VPS45: variants seen among roughly 807,000 people sequenced by gnomAD.
VPS45 encodes the protein vacuolar protein sorting-associated protein 45.
In VPS45, 35 loss-of-function variants were observed where a neutral mutation model predicts 75.9. That is an observed-to-expected ratio of 0.46 (90% CI 0.35 to 0.61). VPS45 has a LOEUF of 0.61. Among genes scored for constraint, VPS45 ranks in the 20% least tolerant of loss-of-function variants. The pLI is 0.00. For missense variants in VPS45, 559 were observed against 685.9 expected (o/e 0.81, Z 2.07); for synonymous variants, 220 against 238.2 (o/e 0.92, Z 0.70).
intron 10 of VPS45, among the ~76,000 whole-genome samples, chr1:150,087,101 A>G (rs1656059715): frequency 6.6e-6 from 1 of 152,234 alleles, no homozygotes; most frequent in Non-Finnish European, 1.5e-5. Context: ...AGAAGAAAAC[A>G]GAAAAGTAAA....
chr1:150,071,623 C>T (rs1444334433), intron 2 of VPS45, among the ~76,000 whole-genome samples: 3 of 151,932 alleles, frequency 2.0e-5, no homozygotes, highest in Non-Finnish European at 4.4e-5. Context: ...CCCGTCTCTG[C>T]TACAATTACA....
At chr1:150,076,784 G>T in intron 4 of VPS45, 132 bp from the exon 5 acceptor site, 2 of 886,006 alleles carry the variant, frequency 2.3e-6, no homozygotes, top group South Asian at 1.7e-5. Context: ...ATTATTAATT[G>T]AACAATTTAG....
chr1:150,134,968 C>G (rs1352870239), intron 14 of VPS45, among the ~76,000 whole-genome samples: 1 of 152,122 alleles, frequency 6.6e-6, no homozygotes, highest in Non-Finnish European at 1.5e-5. Context: ...AAGGCAGGAA[C>G]TAAAACGCAA....
chr1:150,127,870 T>A (rs1658597882), intron 14 of VPS45, among the ~76,000 whole-genome samples: 1 of 152,230 alleles, frequency 6.6e-6, no homozygotes, highest in Admixed American at 6.5e-5. Context: ...GCTTTCAGAC[T>A]ACTAAGAAAT....
At chr1:150,073,350 C>T (rs1553797423) in intron 3 of VPS45, among the ~76,000 whole-genome samples, 1 of 152,020 alleles carries the variant, frequency 6.6e-6, no homozygotes, top group East Asian at 1.9e-4. Flanking sequence ...GCGTATACTA[C>T]TTAAATAGAA....
intron 14 of VPS45, among the ~76,000 whole-genome samples, chr1:150,128,478 A>G (rs1429512383): frequency 6.6e-6 from 1 of 152,268 alleles, no homozygotes; most frequent in East Asian, 1.9e-4. Context: ...TTGAATTTCT[A>G]TACATAAGTT....
intron 13 of VPS45, among the ~76,000 whole-genome samples, chr1:150,103,059 A>AT (rs781803181): frequency 0.98 from 148,800 of 151,514 alleles, 73,046 homozygotes; most frequent in Middle Eastern, 1. Flanking sequence ...TATCCTATAT[A>AT]TTTTTTTTTA....
At chr1:150,076,083 T>A (rs891763883) in intron 3 of VPS45, 150 bp from the exon 4 acceptor site, 68 of 204,048 alleles carry the variant, frequency 3.3e-4, no homozygotes, top group African/African-American at 1.5e-3. Context: ...TATATATATA[T>A]AAAATTATGA....
At chr1:150,122,709 T>C (rs1658300041) in intron 14 of VPS45, among the ~76,000 whole-genome samples, 1 of 151,924 alleles carries the variant, frequency 6.6e-6, no homozygotes. Flanking sequence ...TTTTAGAACA[T>C]TTTCATTGGC....
chr1:150,127,613 T>C (rs1228439861), intron 14 of VPS45, among the ~76,000 whole-genome samples: 2 of 152,200 alleles, frequency 1.3e-5, no homozygotes, highest in East Asian at 3.8e-4. Context: ...ATAATTGTTA[T>C]CAACTTCCTT....
chr1:150,108,778 C>T (rs1657473171), intron 13 of VPS45, among the ~76,000 whole-genome samples: 2 of 152,160 alleles, frequency 1.3e-5, no homozygotes, highest in African/African-American at 4.8e-5. Context: ...CCCTCCCATG[C>T]GTAGTTCACA....
At chr1:150,077,830 A>C (rs781974145) in intron 7 of VPS45, 51 bp downstream of exon 7, 4 of 1,383,710 alleles carry the variant, frequency 2.9e-6, no homozygotes, top group Non-Finnish European at 4.1e-6. Flanking sequence ...AGTGATATTC[A>C]TCAAAATACA....
At position 150,106,647 on chromosome 1, in the gene VPS45, C is replaced by T. The variant is rs587772972; in HGVS notation, c.1494-3849C>T. ...TCTTGCTCTCACTCTGGCTCTGGCT[C>T]CCCCCATCACCCCATTATTTTCAGC... On this transcript the variant is annotated intron_variant, in intron 13 of 14. Coordinates refer to ENST00000644510, the MANE Select transcript of VPS45 (RefSeq NM_007259.5). 1.8e-4 allele frequency among the ~76,000 whole-genome samples: 27 copies of T among 151,730 alleles called. No homozygotes were observed. In the South Asian group the frequency reaches 5.4e-3, roughly 30 times the overall value.
At chr1:150,096,274 CAAGAG>C (rs1282807078) in intron 13 of VPS45, among the ~76,000 whole-genome samples, 1 of 152,046 alleles carries the variant, frequency 6.6e-6, no homozygotes, top group African/African-American at 2.4e-5. Flanking sequence ...GAAATGGAAA[CAAGAG>C]GAGAGTGTAT....
At chr1:150,125,025 G>A (rs1174151740) in intron 14 of VPS45, among the ~76,000 whole-genome samples, 1 of 151,456 alleles carries the variant, frequency 6.6e-6, no homozygotes, top group African/African-American at 2.4e-5. Context: ...TTTTAAGGAT[G>A]GGTCTTTATT....
chr1:150,088,101 A>G (rs1259305297), intron 10 of VPS45, among the ~76,000 whole-genome samples: 3 of 152,172 alleles, frequency 2.0e-5, no homozygotes, highest in Admixed American at 6.5e-5. Context: ...TCTTATAGCT[A>G]TTTTGACATA....
At chr1:150,070,468 G>A (rs782741567) in intron 2 of VPS45, among the ~76,000 whole-genome samples, 2 of 152,182 alleles carry the variant, frequency 1.3e-5, no homozygotes, top group African/African-American at 4.8e-5. Context: ...CTCTTTCACT[G>A]TTATGTACTG....
intron 14 of VPS45, among the ~76,000 whole-genome samples, chr1:150,119,938 G>A (rs587673740): frequency 1.2e-4 from 19 of 152,152 alleles, no homozygotes; most frequent in Non-Finnish European, 2.2e-4. Flanking sequence ...GAGAAACCCC[G>A]TCTCTACTAA....
chr1:150,103,799 C>G (rs1041627546), intron 13 of VPS45, among the ~76,000 whole-genome samples: 2 of 152,136 alleles, frequency 1.3e-5, no homozygotes, highest in Non-Finnish European at 2.9e-5. Context: ...TTTGTCTGCT[C>G]AATCGCTTTT....
Sources: gnomAD v4.1 joint callset for allele counts (sites outside exome capture counted in the v4.1 genomes callset) on GRCh38, gnomAD v4.1.1 for gene constraint, MANE v1.5 for transcripts, NCBI Gene and HGNC (gene_info 2026-07-23, HGNC 2026-07-21) for gene names.